DDAH1: variants seen among roughly 807,000 people sequenced by gnomAD.
DDAH1 encodes N(G),N(G)-dimethylarginine dimethylaminohydrolase 1.
DDAH1 carries 19 observed loss-of-function variants against 28.8 expected under a neutral mutation model. The observed-to-expected ratio is 0.66, with a 90% confidence interval of 0.46 to 0.97. The LOEUF (loss-of-function observed/expected upper bound fraction) is 0.97. DDAH1 is among the 50% of genes least tolerant of loss of function. The probability of loss-of-function intolerance (pLI) is 0.00; values close to 1 mark genes in which losing one functional copy is unlikely to be tolerated. For missense variants in DDAH1, 326 were observed against 375.9 expected (o/e 0.87, Z 1.10); for synonymous variants, 153 against 154.4 (o/e 0.99, Z 0.07).
At chr1:85,483,576 C>A (rs901689155) in intron 2 of DDAH1, among the ~76,000 whole-genome samples, 1 of 152,162 alleles carries the variant, frequency 6.6e-6, no homozygotes, top group Non-Finnish European at 1.5e-5. Context: ...TTATGTAACA[C>A]CCCCAGTGGG....
At chr1:85,503,479 G>A (rs1016672636) in intron 1 of DDAH1, among the ~76,000 whole-genome samples, 1 of 152,124 alleles carries the variant, frequency 6.6e-6, no homozygotes, top group African/African-American at 2.4e-5. Flanking sequence ...TGAGAATACA[G>A]GCATAAGCCA....
chr1:85,540,851 T>A (rs913066977), intron 1 of DDAH1, among the ~76,000 whole-genome samples: 1 of 151,388 alleles, frequency 6.6e-6, no homozygotes, highest in Non-Finnish European at 1.5e-5. Flanking sequence ...TCCCAGCTAC[T>A]TGGGAGGCTG....
chr1:85,455,029 C>G (rs1654824160), intron 1 of DDAH1, among the ~76,000 whole-genome samples: 3 of 152,124 alleles, frequency 2.0e-5, no homozygotes, highest in African/African-American at 7.2e-5. Flanking sequence ...GGGTCCCTGA[C>G]AGAGAACTAG....
intron 2 of DDAH1, among the ~76,000 whole-genome samples, 168 bp downstream of exon 2, chr1:85,358,580 C>T (rs755454209): frequency 6.6e-5 from 10 of 152,054 alleles, no homozygotes; most frequent in African/African-American, 1.2e-4. Flanking sequence ...ACCCAGGAGG[C>T]GGAGGTTGCA....
intron 1 of DDAH1, among the ~76,000 whole-genome samples, chr1:85,361,599 T>C (rs1649802389): frequency 1.3e-5 from 2 of 152,230 alleles, no homozygotes; most frequent in South Asian, 4.1e-4. Context: ...GTATATACAG[T>C]AATTTTCATT....
At chr1:85,529,150 CT>C (rs1393057415) in intron 1 of DDAH1, among the ~76,000 whole-genome samples, 1 of 151,258 alleles carries the variant, frequency 6.6e-6, no homozygotes, top group African/African-American at 2.4e-5. Context: ...TTTAAAGAAA[CT>C]TTGTGGTGAT....
chr1:85,461,057 T>C (rs1054554921), intron 1 of DDAH1, among the ~76,000 whole-genome samples: 1 of 152,144 alleles, frequency 6.6e-6, no homozygotes, highest in African/African-American at 2.4e-5. Context: ...AAGGCTGCAG[T>C]GAGCTATGAT....
At chr1:85,358,668 C>T (rs1649619971) in intron 2 of DDAH1, 80 bp downstream of exon 2, 1 of 1,153,800 alleles carries the variant, frequency 8.7e-7, no homozygotes. Flanking sequence ...CAAAAAAACA[C>T]AAAAAACTAT....
chr1:85,382,660 T>G (rs913558385), intron 1 of DDAH1, among the ~76,000 whole-genome samples: 25 of 152,226 alleles, frequency 1.6e-4, no homozygotes, highest in Admixed American at 3.3e-4. Context: ...CTTCTCTAGC[T>G]GTTAAGGAGA....
chr1:85,570,210 C>G (rs1659411484), intron 1 of DDAH1, among the ~76,000 whole-genome samples: 1 of 152,192 alleles, frequency 6.6e-6, no homozygotes, highest in Admixed American at 6.5e-5. Context: ...CCCCTGCATT[C>G]TTTCTTGCTA....
chr1:85,355,438 T>A (rs1485697236), intron 2 of DDAH1, among the ~76,000 whole-genome samples: 2 of 152,096 alleles, frequency 1.3e-5, no homozygotes, highest in Non-Finnish European at 2.9e-5. Context: ...ATAATAGTCA[T>A]AACAAAATGT....
chr1:85,457,114 C>T (rs920305834), intron 1 of DDAH1, among the ~76,000 whole-genome samples: 3 of 152,128 alleles, frequency 2.0e-5, no homozygotes, highest in African/African-American at 7.2e-5. Context: ...CAGTTCTGTA[C>T]CTGTTTCTTT....
chr1:85,427,314 T>C (rs979790605), intron 1 of DDAH1, among the ~76,000 whole-genome samples: 2 of 150,098 alleles, frequency 1.3e-5, no homozygotes, highest in African/African-American at 4.9e-5. Context: ...GAAAACAAAC[T>C]GGAGAAGAGG....
chr1:85,575,426 A>G (rs1273530706), intron 1 of DDAH1, among the ~76,000 whole-genome samples: 2 of 152,192 alleles, frequency 1.3e-5, no homozygotes, highest in Admixed American at 1.3e-4. Context: ...TGAGGTGTCA[A>G]AAGAACCCCA....
At chr1:85,405,657 G>C (rs1652369489) in intron 1 of DDAH1, among the ~76,000 whole-genome samples, 1 of 151,760 alleles carries the variant, frequency 6.6e-6, no homozygotes, top group African/African-American at 2.4e-5. Context: ...CTACTTTATA[G>C]CAGTGAATAG....
chr1:85,513,179 G>T (rs1456274813), intron 1 of DDAH1, among the ~76,000 whole-genome samples: 1 of 152,066 alleles, frequency 6.6e-6, no homozygotes, highest in African/African-American at 2.4e-5. Context: ...CAGAACAGAG[G>T]CCTCAGAAAT....
At chr1:85,521,518 C>T (rs1657687597) in intron 1 of DDAH1, 1 of 737,916 alleles carries the variant, frequency 1.4e-6, no homozygotes, top group Non-Finnish European at 1.7e-6. Flanking sequence ...GTAAGAGAGC[C>T]TTACCACGGA....
intron 4 of DDAH1, among the ~76,000 whole-genome samples, chr1:85,325,972 C>T (rs1057380723): frequency 6.6e-6 from 1 of 152,256 alleles, no homozygotes; most frequent in East Asian, 1.9e-4. Flanking sequence ...TTTATGGTCC[C>T]ATTTACTTTT....
chr1:85,393,153 A>G (rs1188224213), intron 1 of DDAH1, among the ~76,000 whole-genome samples: 3 of 152,212 alleles, frequency 2.0e-5, no homozygotes, highest in African/African-American at 7.2e-5. Flanking sequence ...TAGCAATAAC[A>G]ACATCAACAA....
Sources: gnomAD v4.1 joint callset for allele counts (sites outside exome capture counted in the v4.1 genomes callset) on GRCh38, gnomAD v4.1.1 for gene constraint, MANE v1.5 for transcripts, NCBI Gene and HGNC (gene_info 2026-07-23, HGNC 2026-07-21) for gene names.